The following SLC24A3 variants were observed in gnomAD, a reference collection of about 807,000 sequenced individuals.
SLC24A3 encodes solute carrier family 24 member 3.
SLC24A3 carries 28 observed loss-of-function variants against 75.8 expected under a neutral mutation model. The ratio of observed to expected loss-of-function variants is 0.37; its 90% CI spans 0.27 to 0.51. The LOEUF (loss-of-function observed/expected upper bound fraction) is 0.51, where lower values mean the gene tolerates loss of function less well. Ranked by LOEUF, SLC24A3 falls within the 20% of genes least tolerant of loss-of-function variation. SLC24A3 has a pLI of 0.94. For synonymous variants in SLC24A3, 372 were observed against 334.1 expected, an observed-to-expected ratio of 1.11 and a Z score of -1.24; for missense variants, 663 against 847.8, an observed-to-expected ratio of 0.78 and a Z score of 2.71.
At chr20:19,589,436 G>A (rs1018652750) in intron 6 of SLC24A3, among the ~76,000 whole-genome samples, 2 of 152,230 alleles carry the variant, frequency 1.3e-5, no homozygotes, top group Non-Finnish European at 2.9e-5. Flanking sequence ...CAGGCGGAGT[G>A]GACCTTGGGG....
chr20:19,721,231 C>T lies in SLC24A3; in HGVS notation c.*91C>T, dbSNP rs41308060. The T allele has an allele frequency of 6.6e-3, 10,000 of 1,515,688 alleles. 100 individuals are homozygous for T. Among genetic ancestry groups the T allele is most frequent in the Non-Finnish European group, 6.4e-3 (7,148 of 1,118,534 alleles). The allele number at this position is 1,515,688 out of a possible 1,614,324, so 93.9% of individuals were successfully genotyped here. A position where few individuals can be genotyped will look rare whatever the true frequency, so the allele number is the denominator to read the frequency against. On this transcript the variant is annotated 3_prime_UTR_variant, in exon 17 of 17. Coordinates refer to ENST00000328041, the MANE Select transcript of SLC24A3 (RefSeq NM_020689.4). ...CGAGTCACACAGGCCCCCGGGGCCA[C>T]GGCGTTCGTCTCTCCTGTGCTGTCC...
At chr20:19,486,348 C>T (rs1272882409) in intron 2 of SLC24A3, among the ~76,000 whole-genome samples, 1 of 152,174 alleles carries the variant, frequency 6.6e-6, no homozygotes, top group African/African-American at 2.4e-5. Context: ...TGTGGTGTGT[C>T]TTGATGGTAA....
intron 2 of SLC24A3, among the ~76,000 whole-genome samples, chr20:19,342,608 A>G (rs918038379): frequency 2.0e-5 from 3 of 152,260 alleles, no homozygotes; most frequent in Admixed American, 6.5e-5. Context: ...ATGGAAATGT[A>G]TGTACCAAAT....
chr20:19,523,174 A>G (rs1358145211), intron 3 of SLC24A3, among the ~76,000 whole-genome samples: 1 of 152,350 alleles, frequency 6.6e-6, no homozygotes, highest in East Asian at 1.9e-4. Flanking sequence ...AAATTAAGAA[A>G]ACAAACTCAT....
chr20:19,591,954 C>A (rs1600293730), intron 6 of SLC24A3, among the ~76,000 whole-genome samples: 1 of 152,174 alleles, frequency 6.6e-6, no homozygotes, highest in East Asian at 1.9e-4. Context: ...CATATGCTCT[C>A]ATTTCTTTCA....
rs184458499 is a variant in SLC24A3, at chr20:19,573,726, G to A, written c.349-6274G>A. ...TCCAGACATCACATCCAAGTTGCAC[G>A]CCGGAAGATAGGGTGACTTTAGCTG... On this transcript the variant is annotated intron_variant, in intron 3 of 16. Transcript: ENST00000328041. Among the ~76,000 whole-genome samples the A allele has an allele frequency of 9.2e-5, 14 of 152,244 alleles. No homozygotes were observed. In the East Asian group the frequency reaches 2.5e-3, roughly 27 times the overall value.
intron 13 of SLC24A3, chr20:19,694,507 A>T (rs556707323): frequency 2.0e-5 from 3 of 152,264 alleles, no homozygotes; most frequent in Admixed American, 2.0e-4. Context: ...ACATTTTTTT[A>T]AAACCCAAGT....
At chr20:19,339,196 G>A (rs576872115) in intron 2 of SLC24A3, among the ~76,000 whole-genome samples, 3 of 152,156 alleles carry the variant, frequency 2.0e-5, no homozygotes, top group Non-Finnish European at 2.9e-5. Context: ...GGAGTTCATC[G>A]GGCCGAAGCT....
In SLC24A3 at chr20:19,240,300, C is replaced by G. The variant is rs3790168; in HGVS notation, c.142+27316C>G. Among the ~76,000 whole-genome samples the G allele has an allele frequency of 0.011, 1,645 of 152,296 alleles. 70 individuals carry two copies. In the East Asian group the frequency reaches 0.13, roughly 12 times the overall value. On this transcript the variant is annotated intron_variant, in intron 1 of 16. Transcript: ENST00000328041. ...CCATTGCAGCCTCAATGGTGTACAT[C>G]TGAGGTTCCTGTTGCTTTGAAATAA...
At chr20:19,391,980 G>A (rs1986373929) in intron 2 of SLC24A3, among the ~76,000 whole-genome samples, 2 of 152,306 alleles carry the variant, frequency 1.3e-5, no homozygotes, top group Middle Eastern at 6.8e-3. Context: ...TCTGGGTACA[G>A]ATGACCCTTC....
At chr20:19,691,595 G>A (rs137935120) in intron 12 of SLC24A3, among the ~76,000 whole-genome samples, 34 of 152,294 alleles carry the variant, frequency 2.2e-4, no homozygotes, top group African/African-American at 7.5e-4. Context: ...AGTAGTCCCC[G>A]TAGGAAGCCA....
intron 1 of SLC24A3, among the ~76,000 whole-genome samples, chr20:19,235,551 C>CT (rs1982142786): frequency 6.6e-6 from 1 of 152,190 alleles, no homozygotes; most frequent in African/African-American, 2.4e-5. Context: ...TCTGTACTAG[C>CT]TCCTTCACAG....
intron 1 of SLC24A3, among the ~76,000 whole-genome samples, chr20:19,214,453 G>A (rs983464456): frequency 6.6e-6 from 1 of 152,116 alleles, no homozygotes; most frequent in East Asian, 1.9e-4. Context: ...TTTCTCCAGT[G>A]AAAAACCAGT....
chr20:19,327,889 A>G lies in SLC24A3; in HGVS notation c.271+46802A>G, dbSNP rs62200366. Among the ~76,000 whole-genome samples the G allele has an allele frequency of 7.9e-3, 1,198 of 152,322 alleles. 5 individuals carry two copies. The highest frequency in any genetic ancestry group is 0.014 in the Middle Eastern group (4 of 294). ...GGAACAAAGAAGGAAAAGTCCTTCC[A>G]TGCATGGAGTTTCCATTGGGGTGGT... On this transcript the variant is annotated intron_variant, in intron 2 of 16. Transcript: ENST00000328041.
At chr20:19,619,967 G>A (rs532186647) in intron 6 of SLC24A3, among the ~76,000 whole-genome samples, 40 of 152,164 alleles carry the variant, frequency 2.6e-4, no homozygotes, top group Non-Finnish European at 4.9e-4. Flanking sequence ...ACTTTATTCT[G>A]CAGGGAAAAA....
intron 6 of SLC24A3, among the ~76,000 whole-genome samples, chr20:19,632,760 G>A (rs994737012): frequency 1.3e-5 from 2 of 152,112 alleles, no homozygotes; most frequent in African/African-American, 4.8e-5. Context: ...TGCAGAATAG[G>A]TGTCCCTGAC....
chr20:19,367,524 C>T (rs1373548028), intron 2 of SLC24A3, among the ~76,000 whole-genome samples: 1 of 151,780 alleles, frequency 6.6e-6, no homozygotes, highest in African/African-American at 2.4e-5. Flanking sequence ...GGTATGAATC[C>T]CAGAAAACTG....
chr20:19,219,242 C>T (rs1200176435), intron 1 of SLC24A3, among the ~76,000 whole-genome samples: 3 of 152,092 alleles, frequency 2.0e-5, no homozygotes, highest in South Asian at 2.1e-4. Context: ...TAGTCCCGGA[C>T]GGCCCACACT....
At chr20:19,603,862 G>C (rs921194688) in intron 6 of SLC24A3, among the ~76,000 whole-genome samples, 1 of 152,194 alleles carries the variant, frequency 6.6e-6, no homozygotes, top group Admixed American at 6.5e-5. Flanking sequence ...GTGCGTATGA[G>C]AGCAACTGAG....
Sources: gnomAD v4.1 joint callset for allele counts (sites outside exome capture counted in the v4.1 genomes callset) on GRCh38, gnomAD v4.1.1 for gene constraint, MANE v1.5 for transcripts, NCBI Gene and HGNC (gene_info 2026-07-23, HGNC 2026-07-21) for gene names.